Variants in RPS6KA2 observed in about 807,000 individuals in gnomAD.
The protein encoded by RPS6KA2 is ribosomal protein S6 kinase alpha-2.
RPS6KA2 carries 42 observed loss-of-function variants against 91.8 expected under a neutral mutation model. The observed-to-expected ratio is 0.46, with a 90% CI of 0.36 to 0.59. The LOEUF (loss-of-function observed/expected upper bound fraction) is 0.59. RPS6KA2 is among the 20% of genes least tolerant of loss of function. The pLI is 0.00. For missense variants in RPS6KA2, 798 were observed against 978.5 expected (o/e 0.82, Z 2.46); for synonymous variants, 414 against 393.6 (o/e 1.05, Z -0.61).
At chr6:166,630,914 A>G (rs1477122727), upstream of RPS6KA2, among the ~76,000 whole-genome samples, 2 of 152,330 alleles carry the variant, frequency 1.3e-5, no homozygotes, top group African/African-American at 4.8e-5. Flanking sequence ...ACTGTAGTGG[A>G]CAGTTCAGGT....
chr6:166,625,764 A>C (rs1210558282), intron 1 of RPS6KA2, among the ~76,000 whole-genome samples: 2 of 152,200 alleles, frequency 1.3e-5, no homozygotes, highest in African/African-American at 4.8e-5. Context: ...GTACTGGATT[A>C]ACAGTTTTGT....
chr6:166,427,294 A>T (rs1359287805), intron 16 of RPS6KA2, among the ~76,000 whole-genome samples: 1 of 152,134 alleles, frequency 6.6e-6, no homozygotes, highest in Non-Finnish European at 1.5e-5. Flanking sequence ...TATTGATGGG[A>T]CGTATCTCAA....
intron 2 of RPS6KA2, among the ~76,000 whole-genome samples, chr6:166,694,683 C>T (rs1335647552): frequency 6.6e-6 from 1 of 152,234 alleles, no homozygotes; most frequent in Non-Finnish European, 1.5e-5. Context: ...TTAAATATCA[C>T]TCGCATTCTG....
chr6:166,481,361 C>A (rs569030345), intron 10 of RPS6KA2, among the ~76,000 whole-genome samples: 2 of 152,340 alleles, frequency 1.3e-5, no homozygotes, highest in South Asian at 4.1e-4. Context: ...TAATTTGTGG[C>A]TTTAAAAAGG....
intron 2 of RPS6KA2, among the ~76,000 whole-genome samples, chr6:166,853,594 C>A (rs963975169): frequency 6.7e-6 from 1 of 149,580 alleles, no homozygotes; most frequent in Non-Finnish European, 1.5e-5. Context: ...GCGCAGCCGC[C>A]GCCACGTCCT....
rs1788288318 is a variant in RPS6KA2 at position 166,665,498 on chromosome 6, A to C, written c.124-126714T>G. ...CACCCTCCCCTCTGAGAAGACCCCC[A>C]TGTGACTTCCCCACCTTTGTGGCGC... is the stretch of plus-strand genomic sequence containing the variant. On this transcript the variant is annotated intron_variant, in intron 2 of 21. Coordinates refer to the RPS6KA2 transcript ENST00000503859. The surrounding 1 kb of genome is among the most constrained non-coding windows in gnomAD (Gnocchi z 4.5). Among the ~76,000 whole-genome samples the C allele has an allele frequency of 6.7e-6, 1 of 148,882 alleles. No homozygotes were observed. The highest frequency in any genetic ancestry group is 6.7e-5 in the Admixed American group (1 of 15,016).
At chr6:166,506,611 G>C (rs953737503) in intron 5 of RPS6KA2, among the ~76,000 whole-genome samples, 3 of 152,162 alleles carry the variant, frequency 2.0e-5, no homozygotes, top group Non-Finnish European at 4.4e-5. Context: ...TCCATGCAAG[G>C]AGCCCCACAG....
chr6:166,426,331 A>C (rs946472685), intron 16 of RPS6KA2, among the ~76,000 whole-genome samples: 1 of 137,728 alleles, frequency 7.3e-6, no homozygotes, highest in African/African-American at 2.8e-5. Flanking sequence ...ATAGCACTAA[A>C]TGCCCACAAG....
Position 166,648,242 on chromosome 6 carries a change from T to G in RPS6KA2, c.124-109458A>C, listed in dbSNP as rs1255222045. On this transcript the variant is annotated intron_variant, in intron 2 of 21. Transcript: ENST00000503859. This position sits in a 1 kb window ranked among gnomAD's most constrained non-coding sequence, Gnocchi z 4.8. Reference sequence around the variant, plus strand: ...CACGCACATGCGCACACACACACATTCACACAGGCACACACACTCATGTTC... The same window carrying G: ...CACGCACATGCGCACACACACACATGCACACAGGCACACACACTCATGTTC... Among the ~76,000 whole-genome samples, 1 of 147,068 alleles carries G rather than the reference T, an allele frequency of 6.8e-6. No homozygotes were observed. Among genetic ancestry groups the G allele is most frequent in the Non-Finnish European group, 1.5e-5 (1 of 66,630 alleles).
In RPS6KA2 at chr6:166,534,902, A is replaced by AGCAAAAAT. The variant is rs770942103; in HGVS notation, c.217-3597_217-3590dup. ...CACCTTGAGACGAGCAGCAAAATAC[A>AGCAAAAAT]GCAAAAATGCAAAAATGATTTTGGT... On this transcript the variant is annotated intron_variant, in intron 2 of 20. Transcript: ENST00000265678. Among the ~76,000 whole-genome samples the AGCAAAAAT allele has an allele frequency of 8.8e-4, 134 of 152,366 alleles. No individual in the cohort carries two copies. In the Middle Eastern group the frequency reaches 0.02, roughly 23 times the overall value.
intron 2 of RPS6KA2, among the ~76,000 whole-genome samples, chr6:166,745,201 G>C (rs944007140): frequency 2.7e-5 from 4 of 149,878 alleles, no homozygotes; most frequent in Non-Finnish European, 5.9e-5. Context: ...GCCCAGGCTG[G>C]AGTGCAGTGG....
At chr6:166,812,649 G>A (rs943442682) in intron 2 of RPS6KA2, among the ~76,000 whole-genome samples, 7 of 152,126 alleles carry the variant, frequency 4.6e-5, no homozygotes, top group African/African-American at 1.7e-4. Flanking sequence ...CTCTCGTGTG[G>A]AACCTGACCC....
chr6:166,606,965 A>T (rs1391353439), intron 1 of RPS6KA2, among the ~76,000 whole-genome samples: 1 of 152,132 alleles, frequency 6.6e-6, no homozygotes, highest in Non-Finnish European at 1.5e-5. Flanking sequence ...AACAGGGTGA[A>T]ATCCTGTCTC....
At chr6:166,587,418 GTCCT>G (rs1562325771) in intron 1 of RPS6KA2, among the ~76,000 whole-genome samples, 21 of 152,128 alleles carry the variant, frequency 1.4e-4, no homozygotes, top group Admixed American at 8.5e-4. Context: ...CTCCTCACCC[GTCCT>G]TGGCCTCAGT....
intron 10 of RPS6KA2, among the ~76,000 whole-genome samples, chr6:166,471,685 G>A (rs997910600): frequency 3.3e-5 from 5 of 152,206 alleles, no homozygotes; most frequent in South Asian, 2.1e-4. Flanking sequence ...TTTTACAGAC[G>A]AGGACACTGA....
intron 2 of RPS6KA2, among the ~76,000 whole-genome samples, chr6:166,664,964 G>C (rs1254302579): frequency 6.6e-6 from 1 of 152,166 alleles, no homozygotes; most frequent in Non-Finnish European, 1.5e-5. Flanking sequence ...AACAAGTCTG[G>C]CCAGGTGTGG....
At chr6:166,607,411 A>T (rs1346120087) in intron 1 of RPS6KA2, among the ~76,000 whole-genome samples, 8 of 152,336 alleles carry the variant, frequency 5.3e-5, no homozygotes, top group East Asian at 1.9e-4. Context: ...CTAATGGATT[A>T]AAAAAATGTA....
chr6:166,415,543 G>A (rs1169390162), intron 19 of RPS6KA2, among the ~76,000 whole-genome samples: 5 of 152,070 alleles, frequency 3.3e-5, no homozygotes, highest in African/African-American at 1.2e-4. Context: ...GCCCTGTGAG[G>A]CGGCAGAGAC....
chr6:166,611,181 T>G (rs1169036478), intron 1 of RPS6KA2, among the ~76,000 whole-genome samples: 1 of 152,262 alleles, frequency 6.6e-6, no homozygotes, highest in Non-Finnish European at 1.5e-5. Context: ...AAAAGTATTA[T>G]TATATTTTCC....
Sources: allele counts gnomAD v4.1 joint callset (sites outside exome capture counted in the v4.1 genomes callset), GRCh38; gene constraint gnomAD v4.1.1; non-coding constraint Gnocchi (gnomAD v3.1); transcripts MANE v1.5; gene names NCBI Gene and HGNC (gene_info 2026-07-23, HGNC 2026-07-21).